Variants in CSNK1D observed in about 807,000 individuals in gnomAD.
The protein encoded by CSNK1D is casein kinase 1 delta, also known as casein kinase I isoform delta.
A neutral mutation model predicts 46.6 loss-of-function variants in CSNK1D; 16 were observed. That is an observed-to-expected ratio of 0.34 (90% CI 0.23 to 0.52). The LOEUF (loss-of-function observed/expected upper bound fraction) is 0.52, where lower values mean the gene tolerates loss of function less well. Ranked by LOEUF, CSNK1D falls within the 20% of genes least tolerant of loss-of-function variation. The probability of loss-of-function intolerance (pLI) is 0.95; values close to 1 mark genes in which losing one functional copy is unlikely to be tolerated. For synonymous variants in CSNK1D, 276 were observed against 228.2 expected, an observed-to-expected ratio of 1.21 and a Z score of -1.89; for missense variants, 398 against 578.4, an observed-to-expected ratio of 0.69 and a Z score of 3.20.
intron 8 of CSNK1D, 109 bp from the exon 9 acceptor site, chr17:82,244,940 AG>A: frequency 6.9e-7 from 1 of 1,451,854 alleles, no homozygotes; most frequent in South Asian, 1.2e-5. Context: ...GCCACCGCCT[AG>A]CCCCAGTCTA....
At position 82,245,486 on chromosome 17, in the gene CSNK1D, G is replaced by A. The variant is rs186281270; in HGVS notation, c.1198-655C>T. The A allele has an allele frequency of 6.8e-4, 141 of 208,320 alleles. 1 individual carries two copies. Among genetic ancestry groups the A allele is most frequent in the African/African-American group, 3.0e-3 (130 of 42,854 alleles). 12.9% of individuals were successfully genotyped at this position (208,320 alleles called of 1,614,324 possible). ...ATAAATGAGACAGGAAGAGAGAGGCGACTAGAAAAGCTGGCATGGCAGAGA... is the reference window on the plus strand; with the variant it reads ...ATAAATGAGACAGGAAGAGAGAGGCAACTAGAAAAGCTGGCATGGCAGAGA... On this transcript the variant is annotated intron_variant, in intron 8 of 8. Transcript: ENST00000314028.
downstream of CSNK1D, among the ~76,000 whole-genome samples, chr17:82,241,479 C>T (rs2050741199): frequency 6.6e-6 from 1 of 152,256 alleles, no homozygotes; most frequent in African/African-American, 2.4e-5. Flanking sequence ...CATGCCCCCG[C>T]AGATGAGATG....
intron 3 of CSNK1D, 184 bp from the exon 4 acceptor site, chr17:82,253,428 C>T: frequency 3.1e-6 from 2 of 636,396 alleles, no homozygotes; most frequent in Admixed American, 2.1e-5. Flanking sequence ...CTGCAGCAAC[C>T]CTCCACACTC....
rs2050994231 is a variant in CSNK1D, at chr17:82,251,030, G to A, written c.885+349C>T. Reference sequence around the variant, plus strand: ...CTCATCTCGTGGGCACCACGACCATGTGGCACAGCGAATGGGAATGCGCAC... The same window carrying A: ...CTCATCTCGTGGGCACCACGACCATATGGCACAGCGAATGGGAATGCGCAC... On this transcript the variant is annotated intron_variant, in intron 6 of 8. Coordinates refer to ENST00000314028, the MANE Select transcript of CSNK1D (RefSeq NM_001893.6). This position sits in a 1 kb window ranked among gnomAD's most constrained non-coding sequence, Gnocchi z 4.5. The A allele has an allele frequency of 2.8e-6, 1 of 360,570 alleles. No homozygotes were observed. The highest frequency in any genetic ancestry group is 5.3e-6 in the Non-Finnish European group (1 of 187,536). 22.3% of individuals were successfully genotyped at this position (360,570 alleles called of 1,614,324 possible).
At chr17:82,247,220 G>A (rs2050873497) in intron 8 of CSNK1D, 1 of 985,408 alleles carries the variant, frequency 1.0e-6, no homozygotes. Context: ...TGGAAAACGA[G>A]GGCCTAAGAG....
chr17:82,270,962 C>A (rs1267858087), intron 1 of CSNK1D, among the ~76,000 whole-genome samples: 1 of 152,196 alleles, frequency 6.6e-6, no homozygotes, highest in Admixed American at 6.5e-5. Context: ...CCACCCTCCA[C>A]CTCTGGAATT....
intron 8 of CSNK1D, chr17:82,246,826 G>A (rs1284151335): frequency 1.0e-6 from 1 of 986,598 alleles, no homozygotes; most frequent in Non-Finnish European, 1.2e-6. Context: ...GCCCGAGGAG[G>A]AAGACTGGCC....
At chr17:82,265,523 A>T in intron 2 of CSNK1D, 163 bp downstream of exon 2, 1 of 679,432 alleles carries the variant, frequency 1.5e-6, no homozygotes, top group South Asian at 1.5e-5. Flanking sequence ...TGGACCCAAG[A>T]CTCTCTGAAG....
chr17:82,266,225 C>T (rs1042162090), intron 1 of CSNK1D, among the ~76,000 whole-genome samples: 2 of 152,174 alleles, frequency 1.3e-5, no homozygotes, highest in African/African-American at 4.8e-5. Flanking sequence ...GTTTGAGTTT[C>T]CCCCTGAGGA....
chr17:82,265,042 G>A (rs1357303043), intron 2 of CSNK1D, among the ~76,000 whole-genome samples: 2 of 151,788 alleles, frequency 1.3e-5, no homozygotes, highest in Admixed American at 6.6e-5. Context: ...CTCGTGATCC[G>A]CCTGCCTCGG....
At chr17:82,240,042 A>G (rs1388115057), downstream of CSNK1D, 11 of 1,233,692 alleles carry the variant, frequency 8.9e-6, no homozygotes, top group Non-Finnish European at 1.0e-5. Context: ...GCAGCCGGAG[A>G]GATGCCATGT....
chr17:82,249,475 T>C lies in CSNK1D; in HGVS notation c.1013A>G (p.Gln338Arg), dbSNP rs896184066. ...GAGGGGTGTGGGGGGAGCCACTTCC[T>C]GCGTCCCCCGCAGGCGGCCGGAGGC... ...STASGRLRGT[Q>R]EVAPPTPLTP... The change falls in exon 7 of 9, where the codon CAG becomes CGG. Residue 338 changes from glutamine to arginine, a missense_variant. This residue lies in a region of CSNK1D where 181 missense variants were observed against 208.0 expected (regional missense o/e 0.87). Transcript: ENST00000314028. This position sits in a 1 kb window ranked among gnomAD's most constrained non-coding sequence, Gnocchi z 6.7. The C allele has an allele frequency of 3.2e-6, 5 of 1,541,474 alleles. No homozygotes were observed. Among genetic ancestry groups the C allele is most frequent in the Admixed American group, 2.0e-5 (1 of 50,952 alleles).
At position 82,249,083 on chromosome 17, in the gene CSNK1D, G is replaced by C. The variant is rs1001861341; in HGVS notation, c.1058-69C>G. Reference sequence around the variant, plus strand: ...GCCTCTCACTCGGGGCTTTCTATGAGAGGCTGTGGCCAGAGAGGACCCTGG... The same window carrying C: ...GCCTCTCACTCGGGGCTTTCTATGACAGGCTGTGGCCAGAGAGGACCCTGG... On this transcript the variant is annotated intron_variant, in intron 7 of 8. Transcript: ENST00000314028. The surrounding 1 kb of genome is among the most constrained non-coding windows in gnomAD (Gnocchi z 6.7). The C allele has an allele frequency of 4.6e-6, 7 of 1,526,146 alleles. No homozygotes were observed. Among genetic ancestry groups the C allele is most frequent in the Admixed American group, 2.0e-5 (1 of 50,572 alleles). 94.5% of individuals were successfully genotyped at this position (1,526,146 alleles called of 1,614,324 possible).
intron 8 of CSNK1D, chr17:82,246,627 T>C: frequency 1.0e-6 from 1 of 1,004,318 alleles, no homozygotes; most frequent in South Asian, 4.1e-5. Flanking sequence ...CCAGGCGGAG[T>C]CCGGGCTGGG....
At chr17:82,256,008 G>A (rs1332389488) in intron 2 of CSNK1D, among the ~76,000 whole-genome samples, 1 of 152,214 alleles carries the variant, frequency 6.6e-6, no homozygotes, top group African/African-American at 2.4e-5. Context: ...GGTGAGAGAA[G>A]AAAATATGTT....
Position 82,243,363 on chromosome 17 carries a change from C to A in CSNK1D, c.*1418G>T, listed in dbSNP as rs187064536. 9.0e-5 allele frequency: 89 copies of A among 985,576 alleles called. No individual in the cohort carries two copies. The African/African-American group carries it at 9.6e-4, about 11-fold the overall frequency. 61.1% of individuals were successfully genotyped at this position (985,576 alleles called of 1,614,324 possible). A position where few individuals can be genotyped will look rare whatever the true frequency, so the allele number is the denominator to read the frequency against. ...GTGCCCACGAACACAGACTGCCCTG[C>A]GCATTGGGGTTGGGAGCACATGGCC... On this transcript the variant is annotated 3_prime_UTR_variant, in exon 9 of 9. Coordinates refer to ENST00000314028, the MANE Select transcript of CSNK1D (RefSeq NM_001893.6).
In CSNK1D at chr17:82,252,878, C is replaced by T. The variant is rs1044793626; in HGVS notation, c.565+138G>A. The T allele has an allele frequency of 6.3e-5, 53 of 846,408 alleles. No homozygotes were observed. The highest frequency in any genetic ancestry group is 3.6e-4 in the Admixed American group (18 of 49,948). The allele number at this position is 846,408 out of a possible 1,614,324, so 52.4% of individuals were successfully genotyped here. On this transcript the variant is annotated intron_variant, in intron 4 of 8. Coordinates refer to ENST00000314028, the MANE Select transcript of CSNK1D (RefSeq NM_001893.6). This position sits in a 1 kb window ranked among gnomAD's most constrained non-coding sequence, Gnocchi z 4.6. ...CCTGCCCCCATACACCTGGCAGTCA[C>T]GAGCCAGCCTGTCTGCCGCAAAGGT...
intron 2 of CSNK1D, among the ~76,000 whole-genome samples, chr17:82,258,630 G>A (rs1004552900): frequency 3.3e-5 from 5 of 151,988 alleles, no homozygotes; most frequent in Non-Finnish European, 7.4e-5. Flanking sequence ...TACTCATTTT[G>A]GAGTTTTCAC....
chr17:82,247,862 C>G, intron 8 of CSNK1D: 2 of 985,464 alleles, frequency 2.0e-6, no homozygotes, highest in Non-Finnish European at 2.4e-6. Flanking sequence ...AGGTCTGTTT[C>G]TAGTGAAATT....
Sources: gnomAD v4.1 joint callset for allele counts (sites outside exome capture counted in the v4.1 genomes callset) on GRCh38, gnomAD v4.1.1 for gene constraint, gnomAD v4.1.1 regional missense constraint, Gnocchi (gnomAD v3.1) non-coding constraint, MANE v1.5 for transcripts, NCBI Gene and HGNC (gene_info 2026-07-23, HGNC 2026-07-21) for gene names.